The following GLI3 variants were observed in gnomAD, a reference collection of about 807,000 sequenced individuals.
GLI3 encodes the protein GLI family zinc finger 3.
GLI3 carries 20 observed loss-of-function variants against 100.8 expected under a neutral mutation model. The ratio of observed to expected loss-of-function variants is 0.20; its 90% CI spans 0.14 to 0.29. The LOEUF (loss-of-function observed/expected upper bound fraction) is 0.29. Among genes scored for constraint, GLI3 ranks in the 10% least tolerant of loss-of-function variants. The pLI is 1.00. For missense variants in GLI3, 2,040 were observed against 2,128.5 expected (o/e 0.96, Z 0.82); for synonymous variants, 938 against 860.5 (o/e 1.09, Z -1.58).
chr7:42,233,896 G>T (rs975337553), intron 1 of GLI3, among the ~76,000 whole-genome samples: 1 of 152,196 alleles, frequency 6.6e-6, no homozygotes, highest in South Asian at 2.1e-4. Context: ...GTATGTGTGT[G>T]TGTGTCCTAT....
chr7:42,040,280 G>A (rs755242314), intron 6 of GLI3, 41 bp from the exon 7 acceptor site: 11 of 1,389,388 alleles, frequency 7.9e-6, no homozygotes, highest in Non-Finnish European at 1.0e-5. Context: ...CCTGCAGTTG[G>A]ACTCTATACC....
intron 2 of GLI3, among the ~76,000 whole-genome samples, chr7:42,198,448 T>G (rs1430550950): frequency 6.6e-6 from 1 of 152,122 alleles, no homozygotes; most frequent in Non-Finnish European, 1.5e-5. Flanking sequence ...ACTGCTTGCC[T>G]GAGGAGCCGT....
chr7:42,064,294 A>T (rs1784630966), intron 4 of GLI3, among the ~76,000 whole-genome samples: 1 of 152,186 alleles, frequency 6.6e-6, no homozygotes, highest in Non-Finnish European at 1.5e-5. Context: ...ACAACGAACA[A>T]ATTTAAATTT....
intron 7 of GLI3, among the ~76,000 whole-genome samples, chr7:42,032,052 A>G (rs1789310880): frequency 6.6e-6 from 1 of 152,162 alleles, no homozygotes; most frequent in Non-Finnish European, 1.5e-5. Flanking sequence ...GTAACACCTC[A>G]CTTACATGGA....
intron 3 of GLI3, among the ~76,000 whole-genome samples, chr7:42,140,916 TTACTC>T (rs1439025181): frequency 6.6e-6 from 1 of 152,072 alleles, no homozygotes; most frequent in Non-Finnish European, 1.5e-5. Flanking sequence ...TTCTCATGCT[TTACTC>T]TAGGAGGGAA....
intron 2 of GLI3, among the ~76,000 whole-genome samples, chr7:42,190,468 TAA>T (rs760233286): frequency 4.6e-5 from 7 of 152,326 alleles, no homozygotes; most frequent in South Asian, 2.1e-4. Flanking sequence ...TGATTAAATA[TAA>T]GTGACCAGAA....
At chr7:42,064,479 A>G (rs1784634676) in intron 4 of GLI3, among the ~76,000 whole-genome samples, 1 of 152,232 alleles carries the variant, frequency 6.6e-6, no homozygotes, top group African/African-American at 2.4e-5. Flanking sequence ...TTATGAAAAC[A>G]GATGATTAAC....
intron 2 of GLI3, among the ~76,000 whole-genome samples, chr7:42,160,371 C>T (rs1787103116): frequency 6.6e-6 from 1 of 152,154 alleles, no homozygotes; most frequent in South Asian, 2.1e-4. Flanking sequence ...GGAATATTTG[C>T]ATATACATAA....
At chr7:42,027,370 AT>A (rs1463254440) in intron 7 of GLI3, among the ~76,000 whole-genome samples, 4 of 152,122 alleles carry the variant, frequency 2.6e-5, no homozygotes, top group Admixed American at 1.3e-4. Flanking sequence ...AGTGAAAAAA[AT>A]ATTTATATAT....
At chr7:42,050,546 T>C (rs1345454802) in intron 4 of GLI3, among the ~76,000 whole-genome samples, 1 of 152,196 alleles carries the variant, frequency 6.6e-6, no homozygotes, top group Non-Finnish European at 1.5e-5. Context: ...ATGCTCTAAT[T>C]CATTCATTTA....
chr7:42,235,938 G>A (rs1788781622), intron 1 of GLI3, among the ~76,000 whole-genome samples: 1 of 152,168 alleles, frequency 6.6e-6, no homozygotes, highest in Non-Finnish European at 1.5e-5. Flanking sequence ...AGTCTGCACT[G>A]GGGAGATGAG....
At chr7:42,213,514 A>G (rs999722849) in intron 2 of GLI3, among the ~76,000 whole-genome samples, 4 of 150,654 alleles carry the variant, frequency 2.7e-5, no homozygotes, top group Non-Finnish European at 4.4e-5. Flanking sequence ...AATAAGACAG[A>G]TAACAAAACT....
At chr7:42,041,447 C>T (rs1368860844) in intron 6 of GLI3, among the ~76,000 whole-genome samples, 1 of 152,158 alleles carries the variant, frequency 6.6e-6, no homozygotes, top group Non-Finnish European at 1.5e-5. Flanking sequence ...GTCATATTTA[C>T]ATTACAGAGT....
intron 2 of GLI3, among the ~76,000 whole-genome samples, chr7:42,209,591 CCT>C (rs1269999015): frequency 6.6e-6 from 1 of 152,072 alleles, no homozygotes; most frequent in Non-Finnish European, 1.5e-5. Flanking sequence ...AATTGGAGCC[CCT>C]GTCATGGAGA....
At chr7:42,003,157 C>G (rs1240683748) in intron 10 of GLI3, among the ~76,000 whole-genome samples, 1 of 151,984 alleles carries the variant, frequency 6.6e-6, no homozygotes, top group African/African-American at 2.4e-5. Context: ...ATAAATCACA[C>G]AAATATAATT....
chr7:42,182,438 A>G (rs1410539628), intron 2 of GLI3, among the ~76,000 whole-genome samples: 2 of 151,092 alleles, frequency 1.3e-5, no homozygotes, highest in Admixed American at 1.3e-4. Flanking sequence ...TTGCTTTAAA[A>G]TTAAAAAAAT....
chr7:41,993,451 C>T (rs950758566), intron 10 of GLI3, among the ~76,000 whole-genome samples: 4 of 152,200 alleles, frequency 2.6e-5, no homozygotes, highest in African/African-American at 9.6e-5. Context: ...CATCCTTGAA[C>T]TCTCCAAGCC....
At chr7:41,995,175 T>C (rs940833207) in intron 10 of GLI3, among the ~76,000 whole-genome samples, 1 of 152,206 alleles carries the variant, frequency 6.6e-6, no homozygotes, top group Admixed American at 6.5e-5. Flanking sequence ...GCAGTACAAG[T>C]ATCAGGAGCA....
intron 2 of GLI3, among the ~76,000 whole-genome samples, chr7:42,171,058 C>T (rs1787362977): frequency 6.6e-6 from 1 of 152,158 alleles, no homozygotes; most frequent in Admixed American, 6.5e-5. Flanking sequence ...CCTCACTTTC[C>T]AGCTCTTCTG....
Sources: gnomAD v4.1 joint callset for allele counts (sites outside exome capture counted in the v4.1 genomes callset) on GRCh38, gnomAD v4.1.1 for gene constraint, MANE v1.5 for transcripts, NCBI Gene and HGNC (gene_info 2026-07-23, HGNC 2026-07-21) for gene names.